The following SEMA4D variants were observed in gnomAD, a reference collection of about 807,000 sequenced individuals.
SEMA4D encodes semaphorin 4D, also known as semaphorin-4D.
A neutral mutation model predicts 74.8 loss-of-function variants in SEMA4D; 22 were observed. The ratio of observed to expected loss-of-function variants is 0.29; its 90% CI spans 0.21 to 0.42. The LOEUF (loss-of-function observed/expected upper bound fraction) is 0.42, where lower values mean the gene tolerates loss of function less well. Among genes scored for constraint, SEMA4D ranks in the 10% least tolerant of loss-of-function variants. The probability of loss-of-function intolerance (pLI) is 1.00; values close to 1 mark genes in which losing one functional copy is unlikely to be tolerated. For missense variants in SEMA4D, 937 were observed against 1,118.4 expected (o/e 0.84, Z 2.31); for synonymous variants, 445 against 463.7 (o/e 0.96, Z 0.52).
chr9:89,410,655 A>G (rs2133911483), intron 2 of SEMA4D, among the ~76,000 whole-genome samples: 1 of 152,336 alleles, frequency 6.6e-6, no homozygotes, highest in Admixed American at 6.5e-5. Context: ...AAAAATGAGG[A>G]ATTATTAAAG....
At chr9:89,447,014 A>G (rs4074430) in intron 2 of SEMA4D, among the ~76,000 whole-genome samples, 146,383 of 152,194 alleles carry the variant, frequency 0.96, 70,613 homozygotes, top group Non-Finnish European at 1. Flanking sequence ...ATCCTTGTGG[A>G]TCTGTCCATC....
At chr9:89,376,746 G>C, downstream of SEMA4D, 1 of 1,471,526 alleles carries the variant, frequency 6.8e-7, no homozygotes, top group Non-Finnish European at 9.1e-7. Context: ...AACATGTGGA[G>C]GGATGTGGAG....
At chr9:89,419,109 C>T (rs554273283) in intron 2 of SEMA4D, among the ~76,000 whole-genome samples, 12 of 152,176 alleles carry the variant, frequency 7.9e-5, no homozygotes, top group African/African-American at 2.7e-4. Flanking sequence ...CCCCCCACCC[C>T]TCGGGGCCGA....
chr9:89,433,190 G>A (rs1849638050), intron 2 of SEMA4D, among the ~76,000 whole-genome samples: 1 of 152,236 alleles, frequency 6.6e-6, no homozygotes, highest in South Asian at 2.1e-4. Context: ...ACGGATGTAT[G>A]CATGCCCCTG....
At chr9:89,372,279 TGTCGGGGGTGTGTATGGGGTGTGGTGTGG>T (rs1353559435), downstream of SEMA4D, among the ~76,000 whole-genome samples, 13 of 84,676 alleles carry the variant, frequency 1.5e-4, no homozygotes, top group Non-Finnish European at 1.6e-4. Context: ...GTGTGGTGTG[TGTCGGGGGTGTGTATGGGGTGTGGTGTGG>T]GTCGGGGGTG....
At chr9:89,496,485 A>G (rs900974544) in intron 1 of SEMA4D, among the ~76,000 whole-genome samples, 2 of 151,808 alleles carry the variant, frequency 1.3e-5, no homozygotes, top group Non-Finnish European at 2.9e-5. Context: ...TACCACGTAC[A>G]CTCTTCTCAG....
downstream of SEMA4D, chr9:89,376,689 C>T (rs540831530): frequency 1.7e-5 from 21 of 1,221,896 alleles, no homozygotes; most frequent in South Asian, 1.6e-4. Flanking sequence ...AAGCGTGAAA[C>T]GGCTCAACCC....
At chr9:89,443,516 G>A (rs935174517) in intron 2 of SEMA4D, among the ~76,000 whole-genome samples, 9 of 152,330 alleles carry the variant, frequency 5.9e-5, no homozygotes, top group Non-Finnish European at 1.0e-4. Context: ...GACTCCACCC[G>A]CCCATAATAG....
In SEMA4D at chr9:89,496,668, A is replaced by C. The variant is rs544105696; in HGVS notation, c.-310+1251T>G. 2.6e-5 allele frequency among the ~76,000 whole-genome samples: 4 copies of C among 152,330 alleles called. No individual in the cohort carries two copies. In the South Asian group the frequency reaches 8.3e-4, roughly 32 times the overall value. On this transcript the variant is annotated intron_variant, in intron 1 of 15. Coordinates refer to ENST00000422704, the MANE Select transcript of SEMA4D (RefSeq NM_001371194.2). ...CGCAGACACCAACTGTCAAAATGAC[A>C]ATCAGGGCATTATCATCTCTACCAG...
rs1018858303 is a variant in SEMA4D at position 89,427,820 on chromosome 9, G to A, written c.-243-22121C>T. ...CCAGATGATTCAGAATGTGTGCGAC[G>A]TGGCGGGTCACACGTGGGGAGGAGC... is the stretch of plus-strand genomic sequence containing the variant. On this transcript the variant is annotated intron_variant, in intron 2 of 15. Transcript: ENST00000422704. 8.5e-5 allele frequency among the ~76,000 whole-genome samples: 13 copies of A among 152,194 alleles called. No individual in the cohort carries two copies. The South Asian group carries it at 1.9e-3, about 22-fold the overall frequency.
chr9:89,389,388 C>G (rs373543789), intron 9 of SEMA4D, among the ~76,000 whole-genome samples: 6 of 152,340 alleles, frequency 3.9e-5, no homozygotes, highest in African/African-American at 1.4e-4. Flanking sequence ...TTCCAACTGC[C>G]AAGGCCCCTG....
chr9:89,464,029 C>T (rs1433249904), intron 1 of SEMA4D, among the ~76,000 whole-genome samples: 4 of 151,994 alleles, frequency 2.6e-5, no homozygotes, highest in Admixed American at 2.0e-4. Context: ...CACTTTCCAC[C>T]TTAGACACGT....
downstream of SEMA4D, among the ~76,000 whole-genome samples, chr9:89,373,472 T>C (rs1835386280): frequency 6.6e-6 from 1 of 152,052 alleles, no homozygotes; most frequent in African/African-American, 2.4e-5. Context: ...CAGCTGACCT[T>C]CCATCAGTCA....
chr9:89,443,896 T>C (rs191270239), intron 2 of SEMA4D, among the ~76,000 whole-genome samples: 126 of 152,264 alleles, frequency 8.3e-4, no homozygotes, highest in African/African-American at 2.9e-3. Flanking sequence ...TGCCTGGGCA[T>C]GGGCATCCTC....
chr9:89,401,571 G>A (rs1414164037), intron 4 of SEMA4D, among the ~76,000 whole-genome samples: 2 of 152,170 alleles, frequency 1.3e-5, no homozygotes, highest in Admixed American at 1.3e-4. Context: ...CCATGGATGC[G>A]ACGATTTGAG....
rs112107440 is a variant in SEMA4D, at chr9:89,491,871, G to A, written c.-310+6048C>T. 1.6e-3 allele frequency among the ~76,000 whole-genome samples: 239 copies of A among 152,150 alleles called. 2 individuals carry two copies. The highest frequency in any genetic ancestry group is 5.2e-3 in the African/African-American group (214 of 41,484). On this transcript the variant is annotated intron_variant, in intron 1 of 15. Transcript: ENST00000422704. ...ACAGCCCCATGCATCTGTGGGCCCC[G>A]GGGCCAAGAGGAGGCACAGCACACA...
intron 2 of SEMA4D, among the ~76,000 whole-genome samples, chr9:89,413,869 T>C (rs750958695): frequency 6.6e-6 from 1 of 152,248 alleles, no homozygotes; most frequent in Non-Finnish European, 1.5e-5. Flanking sequence ...TGTGTATGTG[T>C]ACGCAGACAT....
chr9:89,462,423 T>C (rs1211702762), intron 1 of SEMA4D, among the ~76,000 whole-genome samples: 1 of 152,194 alleles, frequency 6.6e-6, no homozygotes, highest in Admixed American at 6.5e-5. Context: ...TGCTCTTCCT[T>C]TATAACAACA....
intron 2 of SEMA4D, among the ~76,000 whole-genome samples, chr9:89,438,080 C>A (rs1850853266): frequency 6.6e-6 from 1 of 152,198 alleles, no homozygotes; most frequent in African/African-American, 2.4e-5. Context: ...CAGTAGGGCA[C>A]CCAGATGCTG....
Sources: allele counts gnomAD v4.1 joint callset (sites outside exome capture counted in the v4.1 genomes callset), GRCh38; gene constraint gnomAD v4.1.1; transcripts MANE v1.5; gene names NCBI Gene and HGNC (gene_info 2026-07-23, HGNC 2026-07-21).